RYR3: variants seen among roughly 807,000 people sequenced by gnomAD.
The protein encoded by RYR3 is ryanodine receptor 3.
RYR3 carries 207 observed loss-of-function variants against 584.3 expected under a neutral mutation model. That is an observed-to-expected ratio of 0.35 (90% confidence interval 0.32 to 0.40). The LOEUF is 0.40. Among genes scored for constraint, RYR3 ranks in the 10% least tolerant of loss-of-function variants. The pLI is 1.00. For missense variants in RYR3, 5,616 were observed against 6,089.2 expected (o/e 0.92, Z 2.59); for synonymous variants, 2,416 against 2,248.5 (o/e 1.07, Z -2.11).
chr15:33,753,259 A>C (rs980455317), intron 57 of RYR3, among the ~76,000 whole-genome samples: 2 of 152,248 alleles, frequency 1.3e-5, no homozygotes, highest in Non-Finnish European at 2.9e-5. Flanking sequence ...TTATTAAATT[A>C]CATAGTAATA....
intron 44 of RYR3, 43 bp downstream of exon 44, chr15:33,722,938 A>G: frequency 6.7e-7 from 1 of 1,487,742 alleles, no homozygotes; most frequent in Non-Finnish European, 9.1e-7. Context: ...ACGGTTGGTG[A>G]GCTCTCAGAT....
At chr15:33,427,095 G>A (rs1258496827) in intron 1 of RYR3, among the ~76,000 whole-genome samples, 1 of 152,192 alleles carries the variant, frequency 6.6e-6, no homozygotes, top group East Asian at 1.9e-4. Flanking sequence ...TAACAGCTGG[G>A]TTCTATAGTT....
intron 37 of RYR3, among the ~76,000 whole-genome samples, chr15:33,669,726 C>T (rs1566919202): frequency 6.6e-6 from 1 of 151,482 alleles, no homozygotes; most frequent in Non-Finnish European, 1.5e-5. Flanking sequence ...AGAATGAAGA[C>T]AACTGATCCT....
At chr15:33,506,585 A>G (rs7174750) in intron 3 of RYR3, among the ~76,000 whole-genome samples, 102,114 of 151,958 alleles carry the variant, frequency 0.67, 35,288 homozygotes, top group African/African-American at 0.83. Flanking sequence ...CAGAGAAAAG[A>G]GACTTGAGAA....
Position 33,604,190 on chromosome 15 carries a change from G to T in RYR3, c.2164+826G>T, listed in dbSNP as rs543245733. 3.3e-5 allele frequency among the ~76,000 whole-genome samples: 5 copies of T among 152,320 alleles called. No homozygotes were observed. The South Asian group carries it at 1.0e-3, about 32-fold the overall frequency. On this transcript the variant is annotated intron_variant, in intron 18 of 103. Coordinates refer to ENST00000634891, the MANE Select transcript of RYR3 (RefSeq NM_001036.6). ...TACGTAAGCATTGTGCCGTGTGCCC[G>T]TTACATAAGTAACCATGACACACAT...
At chr15:33,552,593 C>T (rs543729231) in intron 10 of RYR3, among the ~76,000 whole-genome samples, 1 of 152,306 alleles carries the variant, frequency 6.6e-6, no homozygotes, top group Admixed American at 6.5e-5. Context: ...TAGCTACCTT[C>T]ATTTCAATTT....
intron 2 of RYR3, among the ~76,000 whole-genome samples, chr15:33,475,422 G>C (rs1308513007): frequency 6.6e-6 from 1 of 152,092 alleles, no homozygotes; most frequent in African/African-American, 2.4e-5. Context: ...TCAGATCATC[G>C]GGCATTAGAT....
chr15:33,609,944 T>C (rs1044407302), intron 18 of RYR3, among the ~76,000 whole-genome samples: 2 of 152,154 alleles, frequency 1.3e-5, no homozygotes, highest in Non-Finnish European at 2.9e-5. Flanking sequence ...CAGTTTTGTT[T>C]TCTTTTTAAA....
At chr15:33,757,780 G>A (rs924466209) in intron 60 of RYR3, 184 bp downstream of exon 60, 8 of 648,422 alleles carry the variant, frequency 1.2e-5, no homozygotes, top group South Asian at 2.0e-5. Flanking sequence ...ACCAATTGAG[G>A]TATACTGTGT....
At chr15:33,712,769 A>G (rs1567005271) in intron 43 of RYR3, among the ~76,000 whole-genome samples, 1 of 152,232 alleles carries the variant, frequency 6.6e-6, no homozygotes, top group Non-Finnish European at 1.5e-5. Context: ...AGAATGGAGT[A>G]ACTTGGGTTC....
intron 27 of RYR3, among the ~76,000 whole-genome samples, chr15:33,643,696 G>A (rs1026187618): frequency 6.6e-6 from 1 of 152,034 alleles, no homozygotes; most frequent in African/African-American, 2.4e-5. Flanking sequence ...GAAGATGCTG[G>A]GTCCAGAAAA....
chr15:33,459,740 T>G (rs1235280506), intron 1 of RYR3, among the ~76,000 whole-genome samples: 1 of 152,188 alleles, frequency 6.6e-6, no homozygotes, highest in Non-Finnish European at 1.5e-5. Context: ...GACAGCAATC[T>G]TTAAGTGAAG....
At chr15:33,600,253 CA>C (rs1287765351) in intron 16 of RYR3, among the ~76,000 whole-genome samples, 4 of 152,134 alleles carry the variant, frequency 2.6e-5, no homozygotes. Context: ...ATTATGGATA[CA>C]AATGCCATGA....
chr15:33,381,219 G>A (rs1005444786), intron 1 of RYR3, among the ~76,000 whole-genome samples: 2 of 152,048 alleles, frequency 1.3e-5, no homozygotes, highest in African/African-American at 4.8e-5. Context: ...TTAGAACATT[G>A]GAGAGAAAAG....
At chr15:33,331,211 G>C (rs1970340004) in intron 1 of RYR3, among the ~76,000 whole-genome samples, 1 of 152,150 alleles carries the variant, frequency 6.6e-6, no homozygotes, top group Non-Finnish European at 1.5e-5. Context: ...CCTTTTGAAA[G>C]AGTAATCTTT....
At chr15:33,655,999 C>A (rs543216479) in intron 32 of RYR3, among the ~76,000 whole-genome samples, 1 of 152,206 alleles carries the variant, frequency 6.6e-6, no homozygotes, top group Non-Finnish European at 1.5e-5. Context: ...AATTTGAACA[C>A]ATTTTTCTGT....
intron 10 of RYR3, among the ~76,000 whole-genome samples, chr15:33,553,693 C>T (rs2056856757): frequency 6.6e-6 from 1 of 152,192 alleles, no homozygotes. Flanking sequence ...TGTAGTATTA[C>T]TTCCAAAATA....
At chr15:33,598,469 G>A (rs1371866391) in intron 16 of RYR3, among the ~76,000 whole-genome samples, 1 of 152,026 alleles carries the variant, frequency 6.6e-6, no homozygotes. Flanking sequence ...CAAATTGTAC[G>A]ATTTCTGAGC....
At chr15:33,853,240 A>G (rs1466587187) in intron 95 of RYR3, among the ~76,000 whole-genome samples, 153 bp downstream of exon 95, 1 of 152,246 alleles carries the variant, frequency 6.6e-6, no homozygotes, top group Admixed American at 6.5e-5. Flanking sequence ...GGATATGAAC[A>G]TATGTAGGTT....
Sources: allele counts gnomAD v4.1 joint callset (sites outside exome capture counted in the v4.1 genomes callset), GRCh38; gene constraint gnomAD v4.1.1; transcripts MANE v1.5; gene names NCBI Gene and HGNC (gene_info 2026-07-23, HGNC 2026-07-21).